Variants in CD72 observed in about 807,000 individuals in gnomAD.
CD72 encodes B-cell differentiation antigen CD72.
A neutral mutation model predicts 50.7 loss-of-function variants in CD72; 28 were observed. The ratio of observed to expected loss-of-function variants is 0.55; its 90% CI spans 0.41 to 0.76. CD72 has a LOEUF of 0.76. CD72 is among the 30% of genes least tolerant of loss of function. The pLI, the probability that CD72 is intolerant of heterozygous loss-of-function variation, is 0.00. For synonymous variants in CD72, 176 were observed against 171.2 expected (o/e 1.03, Z -0.22); for missense variants, 403 against 420.6 (o/e 0.96, Z 0.37).
At chr9:35,611,250 C>CAA (rs749846765) in intron 7 of CD72, among the ~76,000 whole-genome samples, 5 of 117,194 alleles carry the variant, frequency 4.3e-5, no homozygotes, top group Non-Finnish European at 7.3e-5. Context: ...GACTCCATCT[C>CAA]AAAAAAAAAA....
upstream of CD72, among the ~76,000 whole-genome samples, chr9:35,621,988 G>A (rs563837872): frequency 8.7e-4 from 132 of 152,338 alleles, no homozygotes; most frequent in Admixed American, 2.0e-3. Context: ...GCCACCAAGT[G>A]TGTAATTTAT....
Position 35,613,555 on chromosome 9 carries a change from G to T in CD72, c.689-562C>A, listed in dbSNP as rs532950045. Among the ~76,000 whole-genome samples, 5 of 152,020 alleles carry T rather than the reference G, an allele frequency of 3.3e-5. No individual in the cohort carries two copies. In the South Asian group the frequency reaches 1.0e-3, roughly 32 times the overall value. On this transcript the variant is annotated intron_variant, in intron 5 of 8. Coordinates refer to ENST00000259633, the MANE Select transcript of CD72 (RefSeq NM_001782.3). ...TCCCAATGTGCACTTCTGATCCCAGGCCACCTCTCTCCATTGCTTTGTTCC... is the reference window on the plus strand; with the variant it reads ...TCCCAATGTGCACTTCTGATCCCAGTCCACCTCTCTCCATTGCTTTGTTCC...
At chr9:35,641,216 G>A (rs55667103) in intron 1 of CD72, among the ~76,000 whole-genome samples, 9,144 of 152,206 alleles carry the variant, frequency 0.06, 349 homozygotes, top group Middle Eastern at 0.11. Flanking sequence ...CATTAACATC[G>A]GAGCATGGGC....
At chr9:35,612,361 G>C (rs1274706984) in intron 6 of CD72, among the ~76,000 whole-genome samples, 2 of 152,132 alleles carry the variant, frequency 1.3e-5, no homozygotes, top group Non-Finnish European at 2.9e-5. Context: ...GAAGCAGGTG[G>C]ATCACCTGAG....
At chr9:35,632,218 C>T (rs1823252181) in intron 1 of CD72, among the ~76,000 whole-genome samples, 1 of 151,178 alleles carries the variant, frequency 6.6e-6, no homozygotes, top group Admixed American at 6.6e-5. Context: ...CGCTCTGTCA[C>T]CCAGGCTGGA....
intron 4 of CD72, 137 bp from the exon 5 acceptor site, chr9:35,616,415 C>T (rs1393687250): frequency 2.4e-6 from 2 of 847,408 alleles, no homozygotes; most frequent in East Asian, 5.3e-5. Flanking sequence ...CTGACTAAAG[C>T]GTAAGGAGGT....
intron 3 of CD72, 120 bp downstream of exon 3, chr9:35,617,056 G>A: frequency 1.4e-6 from 2 of 1,480,404 alleles, no homozygotes; most frequent in Non-Finnish European, 1.8e-6. Context: ...CCCGGGCGTC[G>A]GAAGGACTGC....
upstream of CD72, chr9:35,619,445 A>T (rs1252702494): frequency 2.0e-5 from 3 of 152,236 alleles, no homozygotes; most frequent in African/African-American, 4.8e-5. Context: ...GCAAAGTGAC[A>T]TCCGCCCCGC....
intron 1 of CD72, among the ~76,000 whole-genome samples, chr9:35,630,023 G>A (rs1481753646): frequency 1.4e-5 from 2 of 143,168 alleles, no homozygotes; most frequent in African/African-American, 5.1e-5. Context: ...ATTTGGTAAA[G>A]TGAATTTCTT....
intron 1 of CD72, among the ~76,000 whole-genome samples, chr9:35,628,314 G>A (rs909541586): frequency 1.3e-5 from 2 of 152,080 alleles, no homozygotes; most frequent in South Asian, 2.1e-4. Context: ...TGACCTGGGC[G>A]GGGCGTGGTG....
chr9:35,618,295 C>T lies in CD72; in HGVS notation c.9G>A (p.Glu3=), dbSNP rs774132567. 2 of 1,614,190 alleles carry T rather than the reference C, an allele frequency of 1.2e-6. No homozygotes were observed. The part of the protein sequence containing the change: MA[E]AITYADLRFV... ...ACCTCAGATCTGCATAGGTGATGGC[C>T]TCAGCCATGGTCCTGAGCAGCTCTG... Residue 3 remains glutamate (E), a synonymous_variant, in exon 1 of 9, where the codon GAG becomes GAA. Coordinates refer to ENST00000259633, the MANE Select transcript of CD72 (RefSeq NM_001782.3).
At chr9:35,623,890 G>T (rs950410558), upstream of CD72, among the ~76,000 whole-genome samples, 1 of 151,754 alleles carries the variant, frequency 6.6e-6, no homozygotes, top group Non-Finnish European at 1.5e-5. Flanking sequence ...CTCCAGCCTG[G>T]GTGACAGAGC....
At chr9:35,616,540 G>C in intron 4 of CD72, 60 bp downstream of exon 4, 1 of 1,316,624 alleles carries the variant, frequency 7.6e-7, no homozygotes, top group Non-Finnish European at 1.1e-6. Flanking sequence ...TCAGCTTTGG[G>C]GCGAGAGTCG....
At chr9:35,641,674 C>T (rs1823341463) in intron 1 of CD72, among the ~76,000 whole-genome samples, 1 of 152,106 alleles carries the variant, frequency 6.6e-6, no homozygotes, top group Non-Finnish European at 1.5e-5. Flanking sequence ...GAGGGGATTA[C>T]CTCATACTAG....
At chr9:35,638,735 C>A (rs1309227025) in intron 1 of CD72, among the ~76,000 whole-genome samples, 1 of 151,326 alleles carries the variant, frequency 6.6e-6, no homozygotes, top group Non-Finnish European at 1.5e-5. Flanking sequence ...ACGCTGACAA[C>A]CGCTGGCTTC....
chr9:35,629,169 G>A (rs896402204), intron 1 of CD72, among the ~76,000 whole-genome samples: 6 of 152,074 alleles, frequency 3.9e-5, no homozygotes, highest in Non-Finnish European at 5.9e-5. Flanking sequence ...GAGCCACTGC[G>A]CCCGGCAGGC....
intron 1 of CD72, among the ~76,000 whole-genome samples, chr9:35,641,771 CCCTTT>C (rs1293439565): frequency 1.3e-5 from 2 of 152,008 alleles, no homozygotes; most frequent in Non-Finnish European, 2.9e-5. Context: ...CCTTCTATTT[CCCTTT>C]CCTTTCCTTT....
intron 1 of CD72, among the ~76,000 whole-genome samples, chr9:35,638,176 C>T (rs1190687641): frequency 6.6e-6 from 1 of 152,158 alleles, no homozygotes; most frequent in Non-Finnish European, 1.5e-5. Flanking sequence ...CATTCTCTCC[C>T]TAGTCTCTGT....
chr9:35,635,773 C>T (rs1823284381), intron 1 of CD72, among the ~76,000 whole-genome samples: 3 of 152,160 alleles, frequency 2.0e-5, no homozygotes, highest in African/African-American at 7.2e-5. Flanking sequence ...TTGCTTTTGG[C>T]TCTGAGGCTG....
Sources: gnomAD v4.1 joint callset for allele counts (sites outside exome capture counted in the v4.1 genomes callset) on GRCh38, gnomAD v4.1.1 for gene constraint, MANE v1.5 for transcripts, NCBI Gene and HGNC (gene_info 2026-07-23, HGNC 2026-07-21) for gene names.